The following GUSB variants were observed in gnomAD, a reference collection of about 807,000 sequenced individuals.
The protein encoded by GUSB is beta-glucuronidase.
In GUSB, 51 loss-of-function variants were observed where a neutral mutation model predicts 74.6. The ratio of observed to expected loss-of-function variants is 0.68; its 90% CI spans 0.55 to 0.86. The LOEUF (loss-of-function observed/expected upper bound fraction) is 0.86, where lower values mean the gene tolerates loss of function less well. Ranked by LOEUF, GUSB falls within the 40% of genes least tolerant of loss-of-function variation. The pLI is 0.00. For synonymous variants in GUSB, 360 were observed against 348.3 expected (o/e 1.03, Z -0.37); for missense variants, 736 against 853.7 (o/e 0.86, Z 1.72).
At chr7:65,961,169 T>C (rs1052501512) in intron 11 of GUSB, 106 bp from the exon 12 acceptor site, 9 of 1,135,382 alleles carry the variant, frequency 7.9e-6, no homozygotes, top group Non-Finnish European at 1.2e-5. Flanking sequence ...TGTCTTTTTT[T>C]TTCTTTTTTC....
rs548280038 is a variant in GUSB, at chr7:65,965,092, A to AT, written c.1654-635_1654-634insA. 4.1e-4 allele frequency among the ~76,000 whole-genome samples: 62 copies of AT among 150,542 alleles called. No individual in the cohort carries two copies. The East Asian group carries it at 7.1e-3, about 17-fold the overall frequency. ...TCTAATAAATATATATATATATATA[A>AT]AAATTAAATTAAATTAAACTCAACC... On this transcript the variant is annotated intron_variant, in intron 10 of 11. Coordinates refer to ENST00000304895, the MANE Select transcript of GUSB (RefSeq NM_000181.4).
chr7:65,962,870 C>CA (rs143099285), intron 11 of GUSB, among the ~76,000 whole-genome samples: 77 of 143,366 alleles, frequency 5.4e-4, no homozygotes, highest in Middle Eastern at 3.5e-3. Flanking sequence ...AACTCCGTCT[C>CA]AAAAAAAAAA....
Position 65,968,113 on chromosome 7 carries a change from CAG to C in GUSB, c.1477-208_1477-207del, listed in dbSNP as rs1790956694. 5.3e-5 allele frequency among the ~76,000 whole-genome samples: 8 copies of C among 151,310 alleles called. No individual in the cohort carries two copies. In the South Asian group the frequency reaches 1.7e-3, roughly 32 times the overall value. On this transcript the variant is annotated intron_variant, in intron 9 of 11. Coordinates refer to ENST00000304895, the MANE Select transcript of GUSB (RefSeq NM_000181.4). ...CAAAAAATAGTAGTAAGAAAATTAG[CAG>C]GGCACGGTGGCTCATGCCTGTAATC... is the stretch of plus-strand genomic sequence containing the variant.
chr7:65,970,413 G>A (rs1367212285), intron 8 of GUSB, 47 bp from the exon 9 acceptor site: 7 of 1,225,684 alleles, frequency 5.7e-6, no homozygotes, highest in Non-Finnish European at 8.4e-6. Context: ...TCCAGGAATG[G>A]CTCAGACACC....
At chr7:65,976,763 C>T (rs1791605667) in intron 4 of GUSB, among the ~76,000 whole-genome samples, 1 of 151,918 alleles carries the variant, frequency 6.6e-6, no homozygotes, top group Non-Finnish European at 1.5e-5. Flanking sequence ...GAAACCACTT[C>T]TTCCCTAAAA....
At chr7:65,981,871 C>T in intron 1 of GUSB, 103 bp downstream of exon 1, 1 of 1,064,092 alleles carries the variant, frequency 9.4e-7, no homozygotes, top group Non-Finnish European at 1.3e-6. Context: ...CTGCGGGCCC[C>T]AGCTCGGAGA....
In GUSB at chr7:65,976,093, G is replaced by A. The variant is rs1791553272; in HGVS notation, c.834C>T (p.Gly278=). 6.2e-7 allele frequency: 1 copy of A among 1,613,766 alleles called. No homozygotes were observed. Among genetic ancestry groups the A allele is most frequent in the Non-Finnish European group, 8.5e-7 (1 of 1,179,970 alleles). ...KVVANGTGTQ[G]QLKVPGVSLW... is the part of the protein sequence containing the mutation. ...GGCTGACACCTGGCACCTTAAGTTG[G>A]CCCTGGGTCCCAGTCCCATTCGCCA... Residue 278 remains glycine, a synonymous_variant, in exon 5 of 12, where the codon GGC becomes GGT. Coordinates refer to ENST00000304895, the MANE Select transcript of GUSB (RefSeq NM_000181.4).
At chr7:65,975,870 A>G in intron 5 of GUSB, 145 bp downstream of exon 5, 1 of 645,104 alleles carries the variant, frequency 1.6e-6, no homozygotes, top group Non-Finnish European at 2.6e-6. Flanking sequence ...AAAAAAAGAA[A>G]ATGGGCCTCC....
chr7:65,971,654 C>G (rs897074210), intron 8 of GUSB, among the ~76,000 whole-genome samples: 1 of 151,536 alleles, frequency 6.6e-6, no homozygotes, highest in Non-Finnish European at 1.5e-5. Context: ...ATTGCCTGAA[C>G]CCAGGAGGTA....
intron 10 of GUSB, among the ~76,000 whole-genome samples, chr7:65,966,622 A>G (rs1445139063): frequency 6.6e-6 from 1 of 152,056 alleles, no homozygotes; most frequent in Non-Finnish European, 1.5e-5. Context: ...ATCTTTACAA[A>G]AAAATTTAAA....
At chr7:65,975,158 C>T (rs1174487533) in intron 5 of GUSB, 87 bp from the exon 6 acceptor site, 31 of 1,173,638 alleles carry the variant, frequency 2.6e-5, no homozygotes, top group Non-Finnish European at 3.9e-5. Context: ...CCCTCGTGCA[C>T]CCCAGCAGCT....
intron 1 of GUSB, among the ~76,000 whole-genome samples, chr7:65,981,377 A>G (rs1274743321): frequency 6.6e-6 from 1 of 151,856 alleles, no homozygotes; most frequent in African/African-American, 2.4e-5. Flanking sequence ...GATTACAGGC[A>G]TGAACCACCA....
At chr7:65,968,287 A>G (rs1456031618) in intron 9 of GUSB, among the ~76,000 whole-genome samples, 1 of 151,836 alleles carries the variant, frequency 6.6e-6, no homozygotes, top group East Asian at 1.9e-4. Context: ...GGGGCTGAGA[A>G]CGTCCAAGTG....
Position 65,967,857 on chromosome 7 carries a change from G to GT in GUSB, c.1526dup (p.His509GlnfsTer18), listed in dbSNP as rs778161730. On this transcript the variant is annotated frameshift_variant, in exon 10 of 12. Coordinates refer to ENST00000304895, the MANE Select transcript of GUSB (RefSeq NM_000181.4). LOFTEE classifies it high-confidence loss of function. ...GAATCAACTCCAGGTGCCCGTAGTC[G>GT]TGATACCAAGAGTAGTAGCTGTTCA... The GT allele has an allele frequency of 3.1e-6, 5 of 1,606,242 alleles. No individual in the cohort carries two copies. Among genetic ancestry groups the GT allele is most frequent in the South Asian group, 1.1e-5 (1 of 91,082 alleles).
chr7:65,962,758 G>A (rs1475745356), intron 11 of GUSB, among the ~76,000 whole-genome samples: 2 of 151,898 alleles, frequency 1.3e-5, no homozygotes, highest in African/African-American at 2.4e-5. Context: ...TGCAATCCCA[G>A]TTAATCGGGA....
chr7:65,965,279 G>A (rs922732979), intron 10 of GUSB, among the ~76,000 whole-genome samples: 5 of 151,652 alleles, frequency 3.3e-5, no homozygotes, highest in East Asian at 2.0e-4. Context: ...GGTGGCGCAC[G>A]CCTGCAGTTC....
In GUSB at chr7:65,976,057, C is replaced by T. The variant is rs377665214; in HGVS notation, c.870G>A (p.Pro290=). The T allele has an allele frequency of 6.8e-6, 11 of 1,613,662 alleles. No individual in the cohort carries two copies. The Admixed American group carries it at 8.3e-5, about 12-fold the overall frequency. The change falls in exon 5 of 12, where the codon CCG becomes CCA. Residue 290 remains proline (P), a synonymous_variant. Coordinates refer to ENST00000304895, the MANE Select transcript of GUSB (RefSeq NM_000181.4). The part of the protein sequence containing the change: ...LKVPGVSLWW[P]YLMHERPAYL... ...AGGCAGGGCGTTCGTGCATCAGGTA[C>T]GGCCACCAGAGGCTGACACCTGGCA...
At chr7:65,973,340 G>A (rs1453856159) in intron 8 of GUSB, among the ~76,000 whole-genome samples, 1 of 152,164 alleles carries the variant, frequency 6.6e-6, no homozygotes, top group East Asian at 1.9e-4. Context: ...TGTAATCCGA[G>A]CACTTCAGGA....
chr7:65,976,132 TGCATCCAAAAGAC>T lies in GUSB; in HGVS notation c.782_794del (p.Arg261GlnfsTer28), dbSNP rs1791558064. ...TCCCATTCGCCACGACTTTGTTTTC[TGCATCCAAAAGAC>T]GCACTTCCAACTTGAACAGGTTACT... On this transcript the variant is annotated frameshift_variant, in exon 5 of 12. Coordinates refer to ENST00000304895, the MANE Select transcript of GUSB (RefSeq NM_000181.4). LOFTEE classifies it high-confidence loss of function. The T allele has an allele frequency of 3.1e-6, 5 of 1,613,756 alleles. No individual in the cohort carries two copies. The highest frequency in any genetic ancestry group is 3.4e-6 in the Non-Finnish European group (4 of 1,179,898).
Sources: allele counts gnomAD v4.1 joint callset (sites outside exome capture counted in the v4.1 genomes callset), GRCh38; gene constraint gnomAD v4.1.1; transcripts MANE v1.5; gene names NCBI Gene and HGNC (gene_info 2026-07-23, HGNC 2026-07-21).